ZBTB44: variants seen among roughly 807,000 people sequenced by gnomAD.
ZBTB44 encodes the protein zinc finger and BTB domain containing 44, also known as zinc finger and BTB domain-containing protein 44.
ZBTB44 carries 15 observed loss-of-function variants against 54.0 expected under a neutral mutation model. The observed-to-expected ratio is 0.28, with a 90% CI of 0.19 to 0.43. The LOEUF is 0.43. Among genes scored for constraint, ZBTB44 ranks in the 20% least tolerant of loss-of-function variants. The probability of loss-of-function intolerance (pLI) is 1.00; values close to 1 mark genes in which losing one functional copy is unlikely to be tolerated. For synonymous variants in ZBTB44, 230 were observed against 250.1 expected, an observed-to-expected ratio of 0.92 and a Z score of 0.76; for missense variants, 487 against 707.1, an observed-to-expected ratio of 0.69 and a Z score of 3.53.
intron 1 of ZBTB44, among the ~76,000 whole-genome samples, chr11:130,306,189 C>CAGT (rs1238062560): frequency 1.3e-5 from 2 of 152,112 alleles, no homozygotes; most frequent in Non-Finnish European, 2.9e-5. Flanking sequence ...CTATGAAAAA[C>CAGT]AGTATGGAGA....
chr11:130,301,841 G>C (rs1942004073), intron 1 of ZBTB44, among the ~76,000 whole-genome samples: 1 of 152,064 alleles, frequency 6.6e-6, no homozygotes, highest in East Asian at 1.9e-4. Flanking sequence ...TTGAGCCCAG[G>C]AGTTTGAGAC....
intron 5 of ZBTB44, among the ~76,000 whole-genome samples, chr11:130,235,448 G>A (rs933638484): frequency 1.4e-4 from 21 of 152,138 alleles, no homozygotes; most frequent in Non-Finnish European, 2.5e-4. Flanking sequence ...TAAACAAAAT[G>A]AATGTCTGGT....
chr11:130,305,187 T>G (rs1942200229), intron 1 of ZBTB44, among the ~76,000 whole-genome samples: 1 of 152,118 alleles, frequency 6.6e-6, no homozygotes, highest in South Asian at 2.1e-4. Context: ...TACTGCCAAA[T>G]GCAATCTACA....
chr11:130,265,020 T>C (rs919728048), intron 1 of ZBTB44, among the ~76,000 whole-genome samples: 1 of 152,180 alleles, frequency 6.6e-6, no homozygotes, highest in Non-Finnish European at 1.5e-5. Flanking sequence ...GTAATTGTTT[T>C]GGGGTACCAC....
chr11:130,305,300 G>GC (rs1942205934), intron 1 of ZBTB44, among the ~76,000 whole-genome samples: 1 of 152,116 alleles, frequency 6.6e-6, no homozygotes, highest in African/African-American at 2.4e-5. Context: ...CATAGTCAAA[G>GC]CAAGACTAAG....
chr11:130,270,002 T>A (rs768912301), intron 1 of ZBTB44, among the ~76,000 whole-genome samples: 1 of 152,164 alleles, frequency 6.6e-6, no homozygotes, highest in Admixed American at 6.5e-5. Context: ...TTTTGATATA[T>A]AGATTAGCTG....
chr11:130,269,028 T>C (rs186722446), intron 1 of ZBTB44, among the ~76,000 whole-genome samples: 1,961 of 150,092 alleles, frequency 0.013, 48 homozygotes, highest in African/African-American at 0.045. Flanking sequence ...CGGTGGCTCA[T>C]GCCTGTAATC....
rs1367887287 is a variant in ZBTB44 at position 130,261,269 on chromosome 11, G to T, written c.605C>A (p.Thr202Lys). Residue 202 changes from threonine (T) to lysine (K), a missense_variant, in exon 2 of 8, where the codon ACA (threonine) becomes AAA (lysine). Transcript: ENST00000357899. This position sits in a 1 kb window ranked among gnomAD's most constrained non-coding sequence, Gnocchi z 4.8. The part of the protein sequence containing the change: ...PESPVKCGTQ[T>K]SSPQVLNSSA... ...AGAATTCAATACCTGGGGTGAGCTTGTTTGTGTGCCACACTTTACAGGACT... is the reference window on the plus strand; with the variant it reads ...AGAATTCAATACCTGGGGTGAGCTTTTTTGTGTGCCACACTTTACAGGACT... 6.2e-7 allele frequency: 1 copy of T among 1,613,876 alleles called. No homozygotes were observed. The highest frequency in any genetic ancestry group is 1.7e-5 in the Admixed American group (1 of 60,024).
At chr11:130,237,225 T>G (rs1196463535) in intron 4 of ZBTB44, 132 bp from the exon 5 acceptor site, 11 of 922,780 alleles carry the variant, frequency 1.2e-5, no homozygotes, top group Non-Finnish European at 1.3e-5. Flanking sequence ...CAAAAACATA[T>G]TCTAATTGAG....
chr11:130,301,532 T>C (rs1592069712), intron 1 of ZBTB44, among the ~76,000 whole-genome samples: 1 of 152,162 alleles, frequency 6.6e-6, no homozygotes, highest in East Asian at 1.9e-4. Flanking sequence ...CGTGTGGTGG[T>C]GTGCATCTGT....
chr11:130,246,049 A>T (rs937339565), intron 2 of ZBTB44, among the ~76,000 whole-genome samples: 20 of 152,224 alleles, frequency 1.3e-4, no homozygotes, highest in African/African-American at 4.8e-4. Context: ...CCAACAGCTA[A>T]AAATGAAAGC....
chr11:130,228,698 AT>A lies in ZBTB44; in HGVS notation c.*3065del, dbSNP rs955534083. The stretch of plus-strand genomic sequence containing the variant: ...AACCTCAACATTCATTTATGGGATG[AT>A]TTTTCATCTGTTTTATTGAATAATG... On this transcript the variant is annotated 3_prime_UTR_variant, in exon 8 of 8. Transcript: ENST00000357899. 6.6e-6 allele frequency: 1 copy of A among 152,130 alleles called. No homozygotes were observed. Among genetic ancestry groups the A allele is most frequent in the African/African-American group, 2.4e-5 (1 of 41,436 alleles). The allele number at this position is 152,130 out of a possible 1,614,324, so 9.4% of individuals were successfully genotyped here.
At chr11:130,253,607 A>G (rs934623006) in intron 2 of ZBTB44, among the ~76,000 whole-genome samples, 40 of 152,200 alleles carry the variant, frequency 2.6e-4, no homozygotes, top group Admixed American at 1.3e-3. Context: ...ATGCTCATGG[A>G]TAGGAAGAAT....
rs117668159 is a variant in ZBTB44 at position 130,287,158 on chromosome 11, A to G, written c.-56-25229T>C. On this transcript the variant is annotated intron_variant, in intron 1 of 7. Coordinates refer to ENST00000357899, the MANE Select transcript of ZBTB44 (RefSeq NM_001301098.2). ...AATCTGTTAATCATGGACACCTTCAATTGCTCAGTCACCCATAGCTTAAAA... is the reference window on the plus strand; with the variant it reads ...AATCTGTTAATCATGGACACCTTCAGTTGCTCAGTCACCCATAGCTTAAAA... Among the ~76,000 whole-genome samples the G allele has an allele frequency of 8.2e-4, 125 of 152,282 alleles. 1 individual carries two copies. Among genetic ancestry groups the G allele is most frequent in the Non-Finnish European group, 1.4e-3 (93 of 68,016 alleles).
At chr11:130,254,604 G>C (rs9667907) in intron 2 of ZBTB44, among the ~76,000 whole-genome samples, 8 of 152,126 alleles carry the variant, frequency 5.3e-5, no homozygotes, top group South Asian at 2.1e-4. Flanking sequence ...TGGAGAAATA[G>C]GAACACTTTT....
At chr11:130,276,991 T>A (rs1353965032) in intron 1 of ZBTB44, among the ~76,000 whole-genome samples, 1 of 152,210 alleles carries the variant, frequency 6.6e-6, no homozygotes, top group Non-Finnish European at 1.5e-5. Context: ...ACATGATATA[T>A]TTATTTCCAT....
chr11:130,229,786 C>T lies in ZBTB44; in HGVS notation c.*1978G>A, dbSNP rs890096599. 1.3e-5 allele frequency: 2 copies of T among 152,136 alleles called. No individual in the cohort carries two copies. Among genetic ancestry groups the T allele is most frequent in the Non-Finnish European group, 2.9e-5 (2 of 68,000 alleles). 9.4% of individuals were successfully genotyped at this position (152,136 alleles called of 1,614,324 possible). A position where few individuals can be genotyped will look rare whatever the true frequency, so the allele number is the denominator to read the frequency against. On this transcript the variant is annotated 3_prime_UTR_variant, in exon 8 of 8. Transcript: ENST00000357899. ...AATATATTACAAATAAAGCATCTTA[C>T]GTCAATAACTTACTTACAGTGAAAA...
intron 1 of ZBTB44, chr11:130,285,646 C>T (rs781388745): frequency 2.9e-4 from 78 of 264,464 alleles, no homozygotes; most frequent in Non-Finnish European, 3.3e-4. Flanking sequence ...TCCCCTACTT[C>T]ACAGTCTAAT....
chr11:130,294,369 G>A lies in ZBTB44; in HGVS notation c.-57+20006C>T, dbSNP rs143194056. Among the ~76,000 whole-genome samples the A allele has an allele frequency of 4.8e-3, 732 of 151,568 alleles. 8 individuals are homozygous for A. The highest frequency in any genetic ancestry group is 0.017 in the African/African-American group (700 of 41,314). ...AGAAGTTGCAGTGAGCTGAGATCAC[G>A]CCACTGCCCTCCAGCCTGGGTGACA... On this transcript the variant is annotated intron_variant, in intron 1 of 7. Coordinates refer to ENST00000357899, the MANE Select transcript of ZBTB44 (RefSeq NM_001301098.2).
Sources: gnomAD v4.1 joint callset for allele counts (sites outside exome capture counted in the v4.1 genomes callset) on GRCh38, gnomAD v4.1.1 for gene constraint, Gnocchi (gnomAD v3.1) non-coding constraint, MANE v1.5 for transcripts, NCBI Gene and HGNC (gene_info 2026-07-23, HGNC 2026-07-21) for gene names.